FCRL1: variants seen among roughly 807,000 people sequenced by gnomAD.
FCRL1 encodes the protein Fc receptor-like protein 1.
FCRL1 carries 34 observed loss-of-function variants against 49.2 expected under a neutral mutation model. The ratio of observed to expected loss-of-function variants is 0.69; its 90% confidence interval spans 0.53 to 0.92. The LOEUF (loss-of-function observed/expected upper bound fraction) is 0.92. Ranked by LOEUF, FCRL1 falls within the 40% of genes least tolerant of loss-of-function variation. The probability of loss-of-function intolerance (pLI) is 0.00; values close to 1 mark genes in which losing one functional copy is unlikely to be tolerated. For synonymous variants in FCRL1, 218 were observed against 201.6 expected (o/e 1.08, Z -0.69); for missense variants, 524 against 524.1 (o/e 1.00, Z 0.00).
In FCRL1 at chr1:157,797,871, C is replaced by G. The variant is rs775914854; in HGVS notation, c.1183G>C (p.Ala395Pro). The G allele has an allele frequency of 5.0e-6, 8 of 1,614,142 alleles. No individual in the cohort carries two copies. The Admixed American group carries it at 1.2e-4, about 24-fold the overall frequency. Residue 395 changes from alanine to proline, a missense_variant, in exon 9 of 11, where the codon GCA (alanine) becomes CCA (proline). Physicochemically the swap from Ala to Pro is conservative, Grantham distance 27. Coordinates refer to ENST00000368176, the MANE Select transcript of FCRL1 (RefSeq NM_052938.5). ...AATTTACTCCCCCATGTCTCACCTG[C>G]TACTGATTCCTGCTCCGGCTGGTTA... ...YYNQPEQESV[A>P]AETLGTHMED... is the part of the protein sequence containing the mutation.
At chr1:157,804,404 A>G (rs1321696450) in intron 2 of FCRL1, among the ~76,000 whole-genome samples, 1 of 152,114 alleles carries the variant, frequency 6.6e-6, no homozygotes. Context: ...TAAACTAAAA[A>G]CACCTTTCTT....
chr1:157,797,067 AG>A lies in FCRL1; in HGVS notation c.1218+33del, dbSNP rs754792174. The A allele has an allele frequency of 5.0e-6, 8 of 1,609,152 alleles. No individual in the cohort carries two copies. In the South Asian group the frequency reaches 8.8e-5, roughly 18 times the overall value. ...GAGAACCAGTCCCCAGAGGAAAGAA[AG>A]AACATGGAAGAAAGAACAATAGAGA... On this transcript the variant is annotated intron_variant, in intron 10 of 10. Transcript: ENST00000368176.
At chr1:157,807,324 C>T (rs954191505) in intron 1 of FCRL1, among the ~76,000 whole-genome samples, 2 of 151,952 alleles carry the variant, frequency 1.3e-5, no homozygotes, top group African/African-American at 4.8e-5. Context: ...TATCTTACCC[C>T]TGCTTCTTTT....
At chr1:157,815,266 A>G (rs1654872369) in intron 1 of FCRL1, among the ~76,000 whole-genome samples, 1 of 151,938 alleles carries the variant, frequency 6.6e-6, no homozygotes, top group South Asian at 2.1e-4. Flanking sequence ...TCTGACCACA[A>G]TGGTATAAAA....
chr1:157,808,235 T>A lies in FCRL1; in HGVS notation c.32-1113A>T, dbSNP rs1571386952. On this transcript the variant is annotated intron_variant, in intron 1 of 10. Coordinates refer to ENST00000368176, the MANE Select transcript of FCRL1 (RefSeq NM_052938.5). The stretch of plus-strand genomic sequence containing the variant: ...CTTTGATGTCAAGAAATTCATATTA[T>A]AGTGGTAGAGAGCCAATTTAAAAAT... Among the ~76,000 whole-genome samples the A allele has an allele frequency of 3.3e-5, 5 of 152,286 alleles. No homozygotes were observed. The South Asian group carries it at 1.0e-3, about 32-fold the overall frequency.
chr1:157,799,628 C>T (rs28620716), intron 7 of FCRL1, among the ~76,000 whole-genome samples: 2,550 of 147,492 alleles, frequency 0.017, 61 homozygotes, highest in African/African-American at 0.059. Flanking sequence ...CATCACACAC[C>T]GGGGACTGTT....
chr1:157,807,117 G>A lies in FCRL1; in HGVS notation c.37C>T (p.Leu13Phe), dbSNP rs746031682. ...TGCAACTCACCGGCAGGTTCACAGA[G>A]TGGAGCTGGGAGAGAATTCAGCAGA... ...PRLLLLICAP[L>F]CEPAELFLIA... The change falls in exon 2 of 11, where the codon CTC becomes TTC. Residue 13 changes from leucine (L) to phenylalanine (F), a missense_variant. By Grantham distance (22) the Leu-to-Phe change is conservative. Coordinates refer to ENST00000368176, the MANE Select transcript of FCRL1 (RefSeq NM_052938.5). The A allele has an allele frequency of 6.2e-7, 1 of 1,613,830 alleles. No individual in the cohort carries two copies. Among genetic ancestry groups the A allele is most frequent in the South Asian group, 1.1e-5 (1 of 90,962 alleles).
At chr1:157,798,820 T>C (rs74121535) in intron 7 of FCRL1, among the ~76,000 whole-genome samples, 3,841 of 152,266 alleles carry the variant, frequency 0.025, 149 homozygotes, top group African/African-American at 0.086. Context: ...TGTTCATTCC[T>C]GTCTGTCTTA....
rs531458050 is a variant in FCRL1, at chr1:157,813,080, A to G, written c.32-5958T>C. Among the ~76,000 whole-genome samples, 6 of 152,326 alleles carry G rather than the reference A, an allele frequency of 3.9e-5. No individual in the cohort carries two copies. In the Middle Eastern group the frequency reaches 0.014, roughly 345 times the overall value. On this transcript the variant is annotated intron_variant, in intron 1 of 10. Transcript: ENST00000368176. Reference sequence around the variant, plus strand: ...ATGAAACTTCCTAAACTAAGGATCCATCGGCACCCTAGGATCAATCTGCAG... The same window carrying G: ...ATGAAACTTCCTAAACTAAGGATCCGTCGGCACCCTAGGATCAATCTGCAG...
At chr1:157,806,919 G>A (rs1653554388) in intron 2 of FCRL1, 183 bp downstream of exon 2, 2 of 592,546 alleles carry the variant, frequency 3.4e-6, no homozygotes, top group Non-Finnish European at 6.1e-6. Flanking sequence ...TGCAGAGACT[G>A]ATGTGAAGAC....
chr1:157,809,413 A>T (rs1034993507), intron 1 of FCRL1, among the ~76,000 whole-genome samples: 1 of 148,410 alleles, frequency 6.7e-6, no homozygotes, highest in South Asian at 2.1e-4. Context: ...CCTGTTTGTA[A>T]AAAACAAAAA....
chr1:157,800,014 G>A, intron 7 of FCRL1, 44 bp downstream of exon 7: 1 of 1,563,520 alleles, frequency 6.4e-7, no homozygotes, highest in South Asian at 1.2e-5. Flanking sequence ...TTTTAAAATA[G>A]ATTTTTCTGC....
intron 1 of FCRL1, among the ~76,000 whole-genome samples, chr1:157,810,920 A>G (rs1030570837): frequency 1.3e-5 from 2 of 152,058 alleles, no homozygotes; most frequent in African/African-American, 4.8e-5. Flanking sequence ...GACTACAGGC[A>G]TGTGCCACAA....
chr1:157,801,174 G>C (rs774498851), intron 6 of FCRL1, among the ~76,000 whole-genome samples: 10 of 152,164 alleles, frequency 6.6e-5, no homozygotes, highest in Non-Finnish European at 2.9e-5. Context: ...ACAGGCGTGA[G>C]CCACCGCCCC....
intron 2 of FCRL1, among the ~76,000 whole-genome samples, chr1:157,805,036 T>C (rs1653197257): frequency 6.6e-6 from 1 of 152,132 alleles, no homozygotes; most frequent in Admixed American, 6.5e-5. Flanking sequence ...ATTTTATTTA[T>C]TTTTTGTAGA....
intron 1 of FCRL1, among the ~76,000 whole-genome samples, chr1:157,810,696 A>G (rs529256992): frequency 6.6e-6 from 1 of 152,376 alleles, no homozygotes; most frequent in South Asian, 2.1e-4. Context: ...TCTTTCAAAA[A>G]AGTAAATCTT....
intron 9 of FCRL1, chr1:157,797,655 GC>G: frequency 7.9e-7 from 1 of 1,262,330 alleles, no homozygotes; most frequent in Non-Finnish European, 1.1e-6. Flanking sequence ...AAATTTGACA[GC>G]CCATCCCCAG....
At chr1:157,807,326 GCTT>G (rs1464520283) in intron 1 of FCRL1, among the ~76,000 whole-genome samples, 3 of 150,992 alleles carry the variant, frequency 2.0e-5, no homozygotes, top group South Asian at 2.1e-4. Flanking sequence ...TCTTACCCCT[GCTT>G]CTTTTCTTCT....
chr1:157,797,225 A>G (rs1651649916), intron 9 of FCRL1, 93 bp from the exon 10 acceptor site: 2 of 1,152,128 alleles, frequency 1.7e-6, no homozygotes, highest in African/African-American at 3.1e-5. Flanking sequence ...TCTCCCATCT[A>G]TTTCCCATGA....
Sources: gnomAD v4.1 joint callset for allele counts (sites outside exome capture counted in the v4.1 genomes callset) on GRCh38, gnomAD v4.1.1 for gene constraint, MANE v1.5 for transcripts, NCBI Gene and HGNC (gene_info 2026-07-23, HGNC 2026-07-21) for gene names.